Variants in KATNAL2 observed in about 807,000 individuals in gnomAD.
KATNAL2 encodes katanin p60 ATPase-containing subunit A-like 2.
In KATNAL2, 52 loss-of-function variants were observed where a neutral mutation model predicts 76.3. The ratio of observed to expected loss-of-function variants is 0.68; its 90% CI spans 0.55 to 0.86. The LOEUF (loss-of-function observed/expected upper bound fraction) is 0.86, where lower values mean the gene tolerates loss of function less well. Among genes scored for constraint, KATNAL2 ranks in the 40% least tolerant of loss-of-function variants. The pLI is 0.00. For synonymous variants in KATNAL2, 243 were observed against 244.2 expected (o/e 1.00, Z 0.05); for missense variants, 660 against 668.9 (o/e 0.99, Z 0.15).
chr18:47,057,974 T>C (rs1401479297), intron 6 of KATNAL2, among the ~76,000 whole-genome samples: 2 of 152,152 alleles, frequency 1.3e-5, no homozygotes, highest in African/African-American at 4.8e-5. Context: ...GCCGAAGCTA[T>C]GTGGTGTGAA....
rs1250283736 is a variant in KATNAL2, at chr18:47,059,988, G to T, written c.549+334G>T. On this transcript the variant is annotated intron_variant, in intron 8 of 17. Coordinates refer to ENST00000683218, the MANE Select transcript of KATNAL2 (RefSeq NM_001387690.1). ...AACATTGGCATGATCATCCTGCATC[G>T]TTCTCATCATTTTTTTTTTTTTTTA... Among the ~76,000 whole-genome samples, 8 of 121,408 alleles carry T rather than the reference G, an allele frequency of 6.6e-5. 1 individual carries two copies. The South Asian group carries it at 2.5e-3, about 38-fold the overall frequency. The allele number at this position is 121,408 out of a possible 152,430, so 79.6% of individuals were successfully genotyped here. A position where few individuals can be genotyped will look rare whatever the true frequency, so the allele number is the denominator to read the frequency against.
In KATNAL2 at chr18:47,033,470, G is replaced by T. The variant is rs1461513599; in HGVS notation, c.52-12987G>T. The T allele has an allele frequency of 1.9e-6, 3 of 1,613,940 alleles. No homozygotes were observed. The East Asian group carries it at 6.7e-5, about 36-fold the overall frequency. On this transcript the variant is annotated intron_variant, in intron 3 of 17. Coordinates refer to ENST00000683218, the MANE Select transcript of KATNAL2 (RefSeq NM_001387690.1). Reference sequence around the variant, plus strand: ...TGCTCCCTCCAAGTTTTGTTTTCCTGTGGCTTTTCTTCCTTGAAGTCCTGG... The same window carrying T: ...TGCTCCCTCCAAGTTTTGTTTTCCTTTGGCTTTTCTTCCTTGAAGTCCTGG...
At chr18:47,033,255 C>A in intron 3 of KATNAL2, 1 of 1,613,656 alleles carries the variant, frequency 6.2e-7, no homozygotes, top group Non-Finnish European at 8.5e-7. Context: ...GCTTGATCTC[C>A]CCATTTTCGG....
At chr18:47,082,592 T>C (rs943092967) in intron 15 of KATNAL2, among the ~76,000 whole-genome samples, 4 of 152,208 alleles carry the variant, frequency 2.6e-5, no homozygotes, top group Admixed American at 2.6e-4. Context: ...GCCAATCTTT[T>C]CAAATAAGTA....
chr18:46,918,394 C>T (rs1296862604), intron 1 of KATNAL2, among the ~76,000 whole-genome samples: 1 of 152,160 alleles, frequency 6.6e-6, no homozygotes, highest in Non-Finnish European at 1.5e-5. Context: ...TTCCCACTAC[C>T]CCTCGTTTCA....
At chr18:47,033,445 T>C (rs770363655) in intron 3 of KATNAL2, 1 of 1,614,216 alleles carries the variant, frequency 6.2e-7, no homozygotes, top group Non-Finnish European at 8.5e-7. Flanking sequence ...CCGCAGGTAC[T>C]GCTCCCTCCA....
intron 3 of KATNAL2, among the ~76,000 whole-genome samples, chr18:46,960,991 G>A (rs1390152816): frequency 2.0e-5 from 3 of 152,152 alleles, no homozygotes; most frequent in Non-Finnish European, 4.4e-5. Context: ...ACAACACTAA[G>A]GGGACCACGT....
At chr18:46,944,886 A>C (rs9304339) in intron 1 of KATNAL2, among the ~76,000 whole-genome samples, 80,584 of 151,972 alleles carry the variant, frequency 0.53, 21,639 homozygotes, top group Middle Eastern at 0.57. Flanking sequence ...AAGATCGTGC[A>C]ACTGCACTCC....
At chr18:47,072,918 A>T (rs2062057098) in intron 13 of KATNAL2, among the ~76,000 whole-genome samples, 1 of 152,146 alleles carries the variant, frequency 6.6e-6, no homozygotes, top group Non-Finnish European at 1.5e-5. Flanking sequence ...GTATTTAACC[A>T]GTCTTTGCTT....
rs1569001432 is a variant in KATNAL2 at position 46,946,131 on chromosome 18, GATA to G, written c.-432_-430del. 1 of 751,234 alleles carries G rather than the reference GATA, an allele frequency of 1.3e-6. No individual in the cohort carries two copies. The highest frequency in any genetic ancestry group is 1.9e-5 in the African/African-American group (1 of 52,374). The allele number at this position is 751,234 out of a possible 1,614,324, so 46.5% of individuals were successfully genotyped here. On this transcript the variant is annotated 5_prime_UTR_variant, in exon 2 of 18. In the 5' UTR this introduces an upstream ATG that the reference lacks. Coordinates refer to ENST00000683218, the MANE Select transcript of KATNAL2 (RefSeq NM_001387690.1). ...GAAGAAATGGATGAAGAAGACCGAA[GATA>G]ATGATGAAGGGATAATTTGGAATAG...
intron 15 of KATNAL2, among the ~76,000 whole-genome samples, chr18:47,086,442 A>C (rs893149952): frequency 2.6e-5 from 4 of 152,016 alleles, no homozygotes; most frequent in Admixed American, 1.3e-4. Flanking sequence ...CAACCTCCCA[A>C]GTAGCTGGGA....
chr18:47,078,183 C>G (rs922203052), intron 15 of KATNAL2, among the ~76,000 whole-genome samples: 3 of 152,110 alleles, frequency 2.0e-5, no homozygotes, highest in Non-Finnish European at 4.4e-5. Flanking sequence ...AGAGGTCAAT[C>G]CACCAACATC....
chr18:47,070,054 CT>C (rs2061941351), intron 13 of KATNAL2, among the ~76,000 whole-genome samples: 1 of 151,044 alleles, frequency 6.6e-6, no homozygotes, highest in Admixed American at 6.6e-5. Flanking sequence ...TTCTGAGCAC[CT>C]TTGCTTCCAT....
intron 14 of KATNAL2, among the ~76,000 whole-genome samples, chr18:47,076,763 T>C (rs563062423): frequency 6.7e-6 from 1 of 148,418 alleles, no homozygotes; most frequent in South Asian, 2.1e-4. Flanking sequence ...CAAATGCTAA[T>C]TATATATTAT....
intron 13 of KATNAL2, among the ~76,000 whole-genome samples, chr18:47,072,405 C>T (rs1015298717): frequency 1.3e-5 from 2 of 152,164 alleles, no homozygotes; most frequent in East Asian, 1.9e-4. Flanking sequence ...CTATTATCTA[C>T]GTTAGCATCA....
At chr18:47,068,467 A>G (rs2061885676) in intron 11 of KATNAL2, among the ~76,000 whole-genome samples, 1 of 152,242 alleles carries the variant, frequency 6.6e-6, no homozygotes, top group South Asian at 2.1e-4. Flanking sequence ...ATGGAACTAT[A>G]AAACTTTTAA....
chr18:46,949,278 G>T lies in KATNAL2; in HGVS notation c.51+2355G>T, dbSNP rs78475421. On this transcript the variant is annotated intron_variant, in intron 3 of 17. Coordinates refer to ENST00000683218, the MANE Select transcript of KATNAL2 (RefSeq NM_001387690.1). The stretch of plus-strand genomic sequence containing the variant: ...TTCTCCTTCTTCTTTTCTTCAACAG[G>T]GTCTTATTCTGTCACCCAGGCTGGA... Among the ~76,000 whole-genome samples the T allele has an allele frequency of 9.9e-3, 1,502 of 151,496 alleles. 9 individuals are homozygous for T. Among genetic ancestry groups the T allele is most frequent in the Middle Eastern group, 0.017 (5 of 292 alleles).
intron 3 of KATNAL2, among the ~76,000 whole-genome samples, chr18:47,031,642 G>C (rs995756232): frequency 6.6e-6 from 1 of 152,154 alleles, no homozygotes; most frequent in Non-Finnish European, 1.5e-5. Flanking sequence ...TTCAGAGCTA[G>C]AATGAGGATT....
At chr18:47,090,318 G>A (rs1335109850) in intron 15 of KATNAL2, among the ~76,000 whole-genome samples, 2 of 152,042 alleles carry the variant, frequency 1.3e-5, no homozygotes, top group African/African-American at 2.4e-5. Context: ...TGTTAGCTAG[G>A]CTGGTCTCAA....
Sources: allele counts gnomAD v4.1 joint callset (sites outside exome capture counted in the v4.1 genomes callset), GRCh38; gene constraint gnomAD v4.1.1; transcripts MANE v1.5; gene names NCBI Gene and HGNC (gene_info 2026-07-23, HGNC 2026-07-21).